GPC5: variants seen among roughly 807,000 people sequenced by gnomAD.
GPC5 encodes the protein glypican-5.
GPC5 carries 47 observed loss-of-function variants against 53.9 expected under a neutral mutation model. The observed-to-expected ratio is 0.87, with a 90% confidence interval of 0.69 to 1.11. The LOEUF is 1.11. GPC5 is among the 50% of genes most tolerant of loss of function. The pLI is 0.00. For synonymous variants in GPC5, 286 were observed against 263.3 expected (o/e 1.09, Z -0.84); for missense variants, 748 against 713.1 (o/e 1.05, Z -0.56).
chr13:91,721,297 G>A (rs2036468162), intron 3 of GPC5, among the ~76,000 whole-genome samples: 1 of 151,830 alleles, frequency 6.6e-6, no homozygotes, highest in Non-Finnish European at 1.5e-5. Flanking sequence ...ACCATGCCTG[G>A]CTAATTTTTG....
At chr13:91,988,538 A>AAGATCAGC (rs1566380436) in intron 6 of GPC5, among the ~76,000 whole-genome samples, 1 of 152,220 alleles carries the variant, frequency 6.6e-6, no homozygotes, top group Admixed American at 6.5e-5. Context: ...AGCAATCTGG[A>AAGATCAGC]AGATCAGCGC....
chr13:92,080,264 C>T (rs2041284831), intron 6 of GPC5, among the ~76,000 whole-genome samples: 1 of 152,104 alleles, frequency 6.6e-6, no homozygotes, highest in Non-Finnish European at 1.5e-5. Context: ...CAACCACATC[C>T]TCTTCTTGGA....
At chr13:92,165,310 T>G (rs1449822375) in intron 7 of GPC5, among the ~76,000 whole-genome samples, 4 of 152,224 alleles carry the variant, frequency 2.6e-5, no homozygotes, top group Non-Finnish European at 5.9e-5. Context: ...CATATCTTTG[T>G]AAATGAATAA....
At chr13:92,851,989 G>A (rs1878823794) in intron 7 of GPC5, among the ~76,000 whole-genome samples, 1 of 151,870 alleles carries the variant, frequency 6.6e-6, no homozygotes, top group Admixed American at 6.6e-5. Context: ...ACAATGAGGA[G>A]GTGAAACCAA....
chr13:92,002,556 T>C (rs1343203553), intron 6 of GPC5, among the ~76,000 whole-genome samples: 2 of 152,124 alleles, frequency 1.3e-5, no homozygotes, highest in South Asian at 2.1e-4. Flanking sequence ...CCATTCTTTA[T>C]AGTAACATGT....
At chr13:92,684,569 G>A (rs1170285102) in intron 7 of GPC5, among the ~76,000 whole-genome samples, 3 of 151,908 alleles carry the variant, frequency 2.0e-5, no homozygotes, top group Non-Finnish European at 4.4e-5. Flanking sequence ...ACACCCAGCC[G>A]GCTCTCTTTT....
In GPC5 at chr13:91,497,307, TA is replaced by T. The variant is rs1370221525; in HGVS notation, c.325+48386del. Among the ~76,000 whole-genome samples, 11 of 127,656 alleles carry T rather than the reference TA, an allele frequency of 8.6e-5. No individual in the cohort carries two copies. The East Asian group carries it at 1.8e-3, about 21-fold the overall frequency. 83.7% of individuals were successfully genotyped at this position (127,656 alleles called of 152,430 possible). A position where few individuals can be genotyped will look rare whatever the true frequency, so the allele number is the denominator to read the frequency against. ...AGTCAGATATAGTTTATGCTTCAGA[TA>T]TTTTTTTTTTTAAACCAGTGAATTT... On this transcript the variant is annotated intron_variant, in intron 2 of 7. Transcript: ENST00000377067.
intron 7 of GPC5, among the ~76,000 whole-genome samples, chr13:92,522,359 G>C (rs1881089917): frequency 6.6e-6 from 1 of 152,118 alleles, no homozygotes; most frequent in Non-Finnish European, 1.5e-5. Context: ...CAAAGACTTG[G>C]AACCAATCCA....
chr13:91,404,302 T>G (rs1030567657), intron 1 of GPC5, among the ~76,000 whole-genome samples: 3 of 152,228 alleles, frequency 2.0e-5, no homozygotes, highest in African/African-American at 7.2e-5. Context: ...GAATGGTCTC[T>G]TGGTATAACT....
chr13:92,723,334 CT>C (rs60451764), intron 7 of GPC5, among the ~76,000 whole-genome samples: 7,585 of 49,976 alleles, frequency 0.15, 570 homozygotes, highest in East Asian at 0.56. Flanking sequence ...ACACTTTCTT[CT>C]TTGTATTCGT....
At chr13:91,578,770 G>A (rs1028219904) in intron 2 of GPC5, among the ~76,000 whole-genome samples, 4 of 152,082 alleles carry the variant, frequency 2.6e-5, no homozygotes, top group African/African-American at 9.7e-5. Context: ...TTTAGGCCGG[G>A]TGCGGTGGCT....
chr13:91,608,118 A>G (rs1358470765), intron 2 of GPC5, among the ~76,000 whole-genome samples: 1 of 152,200 alleles, frequency 6.6e-6, no homozygotes. Context: ...TTATAAAACA[A>G]TGTTTCTCAA....
rs1363320029 is a variant in GPC5 at position 91,958,087 on chromosome 13, A to AT, written c.1401+50040dup. ...CCACTTAAATGATATAGACTGGTTG[A>AT]TTTTTTTTTTAAAGAAAGCATGATT... On this transcript the variant is annotated intron_variant, in intron 6 of 7. Transcript: ENST00000377067. Among the ~76,000 whole-genome samples the AT allele has an allele frequency of 2.8e-3, 419 of 149,384 alleles. 2 individuals are homozygous for AT. The highest frequency in any genetic ancestry group is 5.2e-3 in the African/African-American group (212 of 40,974).
chr13:91,992,520 C>T (rs755339986), intron 6 of GPC5, among the ~76,000 whole-genome samples: 7 of 150,152 alleles, frequency 4.7e-5, no homozygotes, highest in East Asian at 1.9e-4. Context: ...TGCAGTGGCG[C>T]GATCTTGGCT....
intron 7 of GPC5, among the ~76,000 whole-genome samples, chr13:92,190,029 C>T (rs2042212573): frequency 1.3e-5 from 2 of 152,118 alleles, no homozygotes; most frequent in African/African-American, 4.8e-5. Context: ...AGAACAACTG[C>T]TTAAAAAACT....
intron 2 of GPC5, among the ~76,000 whole-genome samples, chr13:91,634,895 G>A (rs1178812843): frequency 6.6e-6 from 1 of 152,062 alleles, no homozygotes; most frequent in Non-Finnish European, 1.5e-5. Context: ...CCATTCTGGG[G>A]TCGCCAACAT....
intron 7 of GPC5, among the ~76,000 whole-genome samples, chr13:92,712,123 A>G (rs1205569651): frequency 6.6e-6 from 1 of 151,966 alleles, no homozygotes; most frequent in Non-Finnish European, 1.5e-5. Context: ...ATGAAAAAAA[A>G]ATGATAAACC....
At chr13:92,840,078 C>CATACATATATATATATATATAT (rs1878373697) in intron 7 of GPC5, among the ~76,000 whole-genome samples, 1 of 98,986 alleles carries the variant, frequency 1.0e-5, no homozygotes, top group Non-Finnish European at 2.1e-5. Flanking sequence ...TATATACATA[C>CATACATATATATATATATATAT]ATATATATAT....
chr13:92,866,523 C>A lies in GPC5; in HGVS notation c.*84C>A. On this transcript the variant is annotated 3_prime_UTR_variant, in exon 8 of 8. Coordinates refer to ENST00000377067, the MANE Select transcript of GPC5 (RefSeq NM_004466.6). ...ATGCCTGGAATAAGAGATCCTTTTT[C>A]AATGTAACAATTATATTTATGAAAA... The A allele has an allele frequency of 9.3e-7, 1 of 1,070,406 alleles. No homozygotes were observed. The highest frequency in any genetic ancestry group is 1.3e-6 in the Non-Finnish European group (1 of 779,022). 66.3% of individuals were successfully genotyped at this position (1,070,406 alleles called of 1,614,324 possible). A position where few individuals can be genotyped will look rare whatever the true frequency, so the allele number is the denominator to read the frequency against.
Sources: allele counts gnomAD v4.1 joint callset (sites outside exome capture counted in the v4.1 genomes callset), GRCh38; gene constraint gnomAD v4.1.1; transcripts MANE v1.5; gene names NCBI Gene and HGNC (gene_info 2026-07-23, HGNC 2026-07-21).